CEP128: variants seen among roughly 807,000 people sequenced by gnomAD.
CEP128 encodes centrosomal protein 128kDa.
In CEP128, 132 loss-of-function variants were observed where a neutral mutation model predicts 156.7. The ratio of observed to expected loss-of-function variants is 0.84; its 90% CI spans 0.73 to 0.97. The LOEUF (loss-of-function observed/expected upper bound fraction) is 0.97. CEP128 is among the 50% of genes least tolerant of loss of function. The pLI is 0.00. For missense variants in CEP128, 1,252 were observed against 1,281.9 expected, an observed-to-expected ratio of 0.98 and a Z score of 0.36; for synonymous variants, 469 against 448.9, an observed-to-expected ratio of 1.04 and a Z score of -0.57.
intron 8 of CEP128, among the ~76,000 whole-genome samples, chr14:80,866,269 C>A (rs1414974705): frequency 6.6e-6 from 1 of 152,132 alleles, no homozygotes; most frequent in African/African-American, 2.4e-5. Context: ...CAGTGCCAGA[C>A]CAGCTCCTAT....
intron 20 of CEP128, among the ~76,000 whole-genome samples, chr14:80,561,418 G>C (rs1488076935): frequency 6.6e-6 from 1 of 152,110 alleles, no homozygotes; most frequent in Non-Finnish European, 1.5e-5. Flanking sequence ...TTGTTGCCAG[G>C]CATCTAATTC....
At chr14:80,779,485 A>C (rs941604313) in intron 15 of CEP128, among the ~76,000 whole-genome samples, 1 of 152,214 alleles carries the variant, frequency 6.6e-6, no homozygotes, top group African/African-American at 2.4e-5. Context: ...TTTCAGTAGA[A>C]TGCTTTTACT....
chr14:80,723,222 T>A (rs568303448), intron 19 of CEP128, among the ~76,000 whole-genome samples: 1 of 152,152 alleles, frequency 6.6e-6, no homozygotes. Context: ...GCCAGAATCC[T>A]TAAAGGTGAA....
chr14:80,751,657 T>A (rs1432291505), intron 18 of CEP128, among the ~76,000 whole-genome samples: 6 of 145,546 alleles, frequency 4.1e-5, no homozygotes, highest in Non-Finnish European at 7.5e-5. Context: ...TGAGATGGAG[T>A]CTCACTCTGC....
chr14:80,750,231 C>T (rs550398522), intron 18 of CEP128, among the ~76,000 whole-genome samples: 52 of 152,048 alleles, frequency 3.4e-4, no homozygotes, highest in Non-Finnish European at 5.4e-4. Flanking sequence ...AGAAAATTAA[C>T]GGTGCAAGCA....
At chr14:80,775,119 T>C (rs1188496194) in intron 16 of CEP128, among the ~76,000 whole-genome samples, 2 of 152,210 alleles carry the variant, frequency 1.3e-5, no homozygotes, top group East Asian at 3.9e-4. Context: ...TCTTATTAGA[T>C]ACCAGATACC....
At chr14:80,595,365 T>A (rs992567194) in intron 19 of CEP128, among the ~76,000 whole-genome samples, 14 of 152,098 alleles carry the variant, frequency 9.2e-5, no homozygotes, top group Admixed American at 9.2e-4. Context: ...GAGAAATAAC[T>A]AATGTAGATG....
At chr14:80,800,709 G>A (rs1037251003) in intron 13 of CEP128, among the ~76,000 whole-genome samples, 4 of 152,010 alleles carry the variant, frequency 2.6e-5, no homozygotes, top group East Asian at 3.9e-4. Flanking sequence ...AGGTTGACTT[G>A]TGTTAAAACT....
chr14:80,767,653 G>A (rs892859981), intron 16 of CEP128, among the ~76,000 whole-genome samples: 1 of 152,104 alleles, frequency 6.6e-6, no homozygotes, highest in South Asian at 2.1e-4. Flanking sequence ...TTAGAACAGT[G>A]AAAGATTACC....
Position 80,883,859 on chromosome 14 carries a change from TA to T in CEP128, c.645+11858del, listed in dbSNP as rs200176168. ...CACAGCTATAGTAACCAAAACAGCA[TA>T]GAACTGGCATAGAAACAGAAACATA... On this transcript the variant is annotated intron_variant, in intron 8 of 24. Transcript: ENST00000555265. Among the ~76,000 whole-genome samples, 1,265 of 152,244 alleles carry T rather than the reference TA, an allele frequency of 8.3e-3. 15 individuals are homozygous for T. Among genetic ancestry groups the T allele is most frequent in the Non-Finnish European group, 0.01 (683 of 68,004 alleles).
intron 9 of CEP128, among the ~76,000 whole-genome samples, chr14:80,855,898 A>G (rs913651018): frequency 3.9e-5 from 6 of 152,156 alleles, no homozygotes; most frequent in African/African-American, 1.4e-4. Context: ...TTCTCCCTTA[A>G]TGAGTCCAAA....
At chr14:80,928,350 G>A (rs1467192706) in intron 2 of CEP128, among the ~76,000 whole-genome samples, 1 of 152,066 alleles carries the variant, frequency 6.6e-6, no homozygotes, top group South Asian at 2.1e-4. Context: ...ATTATTCAAG[G>A]AGATAAAAAG....
intron 13 of CEP128, among the ~76,000 whole-genome samples, chr14:80,821,208 T>C (rs903241383): frequency 5.9e-5 from 9 of 152,216 alleles, no homozygotes; most frequent in African/African-American, 2.2e-4. Flanking sequence ...GAGAACTACC[T>C]GAAAGCAAAT....
At chr14:80,678,149 G>T (rs1228217453) in intron 19 of CEP128, among the ~76,000 whole-genome samples, 1 of 151,130 alleles carries the variant, frequency 6.6e-6, no homozygotes. Context: ...ATTCCTGAAG[G>T]TAAGCTGAGA....
In CEP128 at chr14:80,555,120, C is replaced by A. The variant is rs977143983; in HGVS notation, c.2880+4159G>T. ...GTATTTCAGAACGTCAGAATGACTC[C>A]TCTTACTCTCTCAAACTGTTATCTA... On this transcript the variant is annotated intron_variant, in intron 21 of 24. Coordinates refer to ENST00000555265, the MANE Select transcript of CEP128 (RefSeq NM_152446.5). Among the ~76,000 whole-genome samples the A allele has an allele frequency of 2.0e-4, 30 of 152,032 alleles. 1 individual carries two copies. The highest frequency in any genetic ancestry group is 4.1e-4 in the South Asian group (2 of 4,826).
chr14:80,566,184 C>T (rs12878113), intron 20 of CEP128, among the ~76,000 whole-genome samples: 17,300 of 152,178 alleles, frequency 0.11, 1,323 homozygotes, highest in East Asian at 0.32. Flanking sequence ...AAAGAGACCA[C>T]TGCATGGCGT....
chr14:80,940,955 G>T (rs1886119080), intron 1 of CEP128, among the ~76,000 whole-genome samples: 1 of 152,182 alleles, frequency 6.6e-6, no homozygotes, highest in Admixed American at 6.5e-5. Flanking sequence ...AATCAATGCT[G>T]CAATTAATGG....
chr14:80,484,193 G>A (rs772535072), intron 14 of CEP128, among the ~76,000 whole-genome samples: 1 of 152,116 alleles, frequency 6.6e-6, no homozygotes, highest in Non-Finnish European at 1.5e-5. Flanking sequence ...TCCTGGGCTG[G>A]TCTCAAACTC....
intron 19 of CEP128, among the ~76,000 whole-genome samples, chr14:80,591,128 T>A (rs746842630): frequency 1.8e-4 from 27 of 152,116 alleles, no homozygotes; most frequent in Middle Eastern, 3.2e-3. Flanking sequence ...GCTAGCATCA[T>A]AATGACAGGA....
Sources: gnomAD v4.1 joint callset for allele counts (sites outside exome capture counted in the v4.1 genomes callset) on GRCh38, gnomAD v4.1.1 for gene constraint, MANE v1.5 for transcripts, NCBI Gene and HGNC (gene_info 2026-07-23, HGNC 2026-07-21) for gene names.